The following CA10 variants were observed in gnomAD, a reference collection of about 807,000 sequenced individuals.
CA10 encodes carbonic anhydrase-related protein 10.
Under a neutral mutation model 44.2 loss-of-function variants are expected in CA10, and 14 were observed. The ratio of observed to expected loss-of-function variants is 0.32; its 90% CI spans 0.21 to 0.50. CA10 has a LOEUF of 0.50. Among genes scored for constraint, CA10 ranks in the 20% least tolerant of loss-of-function variants. The pLI is 0.99. For missense variants in CA10, 350 were observed against 409.7 expected, an observed-to-expected ratio of 0.85 and a Z score of 1.26; for synonymous variants, 159 against 141.6, an observed-to-expected ratio of 1.12 and a Z score of -0.87.
intron 2 of CA10, among the ~76,000 whole-genome samples, chr17:51,976,425 A>C (rs1984464252): frequency 6.6e-6 from 1 of 152,180 alleles, no homozygotes; most frequent in Non-Finnish European, 1.5e-5. Flanking sequence ...CCAAACTGTC[A>C]TACATTAAAA....
At chr17:51,846,674 C>A (rs1978508432) in intron 3 of CA10, among the ~76,000 whole-genome samples, 1 of 152,212 alleles carries the variant, frequency 6.6e-6, no homozygotes, top group South Asian at 2.1e-4. Context: ...TTACTCTTTA[C>A]TACATCTGAT....
At chr17:51,661,316 C>T (rs918345163) in intron 4 of CA10, among the ~76,000 whole-genome samples, 7 of 152,142 alleles carry the variant, frequency 4.6e-5, no homozygotes, top group Non-Finnish European at 8.8e-5. Flanking sequence ...GAGAACAAGG[C>T]GCTTGGCTGA....
In CA10 at chr17:52,131,398, T is replaced by C. The variant is rs867067939; in HGVS notation, c.61+26328A>G. On this transcript the variant is annotated intron_variant, in intron 1 of 8. Transcript: ENST00000451037. ...CTATTCTCTAATGAGGGAAAATGAT[T>C]TAAATTTTGGACTAAATGCAACCAG... Among the ~76,000 whole-genome samples the C allele has an allele frequency of 3.3e-5, 5 of 152,352 alleles. No homozygotes were observed. In the South Asian group the frequency reaches 1.0e-3, roughly 32 times the overall value.
intron 4 of CA10, among the ~76,000 whole-genome samples, chr17:51,719,174 A>T (rs772050822): frequency 1.3e-5 from 2 of 152,232 alleles, no homozygotes; most frequent in African/African-American, 2.4e-5. Context: ...TGGGCTTTGA[A>T]TAAAATAAAT....
At chr17:51,825,324 T>A (rs1032029026) in intron 3 of CA10, among the ~76,000 whole-genome samples, 1 of 152,148 alleles carries the variant, frequency 6.6e-6, no homozygotes, top group African/African-American at 2.4e-5. Flanking sequence ...TTAACTCTGC[T>A]GGGACCATCT....
intron 3 of CA10, among the ~76,000 whole-genome samples, chr17:51,760,366 C>T (rs1013921896): frequency 6.6e-6 from 1 of 152,332 alleles, no homozygotes; most frequent in East Asian, 1.9e-4. Flanking sequence ...CTCACTATGA[C>T]TGCTGTGCTC....
chr17:51,870,213 A>T (rs1979739671), intron 3 of CA10, among the ~76,000 whole-genome samples: 1 of 152,254 alleles, frequency 6.6e-6, no homozygotes, highest in Non-Finnish European at 1.5e-5. Flanking sequence ...ATACTTATAC[A>T]GTTAGCAGCC....
Position 51,640,828 on chromosome 17 carries a change from T to C in CA10, c.635-4819A>G, listed in dbSNP as rs182544960. Among the ~76,000 whole-genome samples, 255 of 152,312 alleles carry C rather than the reference T, an allele frequency of 1.7e-3. 2 individuals are homozygous for C. Among genetic ancestry groups the C allele is most frequent in the Non-Finnish European group, 3.2e-4 (22 of 68,032 alleles). The stretch of plus-strand genomic sequence containing the variant: ...GCAGAAAACCATTGTTTGGTTCTTG[T>C]CAGCGTTATCGTCTGGGCATTATAG... On this transcript the variant is annotated intron_variant, in intron 6 of 8. Transcript: ENST00000451037.
rs143873962 is a variant in CA10 at position 52,051,504 on chromosome 17, A to G, written c.136+20815T>C. On this transcript the variant is annotated intron_variant, in intron 2 of 8. Transcript: ENST00000451037. The stretch of plus-strand genomic sequence containing the variant: ...CAAAGGACATGAACATTTTCGACAG[A>G]AGACATATATGCAGCCAACAAGTCT... Among the ~76,000 whole-genome samples the G allele has an allele frequency of 1.2e-3, 189 of 152,212 alleles. 5 individuals carry two copies. The South Asian group carries it at 0.022, about 18-fold the overall frequency.
intron 4 of CA10, among the ~76,000 whole-genome samples, chr17:51,720,115 AT>A (rs1916306564): frequency 6.6e-6 from 1 of 152,162 alleles, no homozygotes; most frequent in South Asian, 2.1e-4. Context: ...TTGCCACAGA[AT>A]TTCTAAAACT....
At chr17:52,120,649 T>C (rs140824453) in intron 1 of CA10, among the ~76,000 whole-genome samples, 3 of 152,292 alleles carry the variant, frequency 2.0e-5, no homozygotes, top group Non-Finnish European at 4.4e-5. Context: ...TGGGGGAACC[T>C]GCACAGGGTC....
chr17:52,025,937 A>C (rs1038983725), intron 2 of CA10, among the ~76,000 whole-genome samples: 1 of 152,078 alleles, frequency 6.6e-6, no homozygotes, highest in Admixed American at 6.6e-5. Flanking sequence ...AGAAATATAC[A>C]AACATAGAAA....
chr17:51,914,146 G>A (rs773913313), intron 3 of CA10, among the ~76,000 whole-genome samples: 13 of 152,070 alleles, frequency 8.5e-5, no homozygotes, highest in Admixed American at 5.2e-4. Context: ...TGCCTATTAC[G>A]GTTTCCAAAG....
chr17:51,753,931 C>A (rs1904983096), intron 3 of CA10, among the ~76,000 whole-genome samples: 1 of 152,172 alleles, frequency 6.6e-6, no homozygotes, highest in African/African-American at 2.4e-5. Context: ...GCAACCTCCA[C>A]CTCCCGGGTT....
chr17:51,742,533 A>G (rs907786004), intron 4 of CA10, among the ~76,000 whole-genome samples: 1 of 152,202 alleles, frequency 6.6e-6, no homozygotes. Flanking sequence ...CCAGCCTCTC[A>G]AGGATGCAAA....
At chr17:51,729,726 G>A (rs1049120200) in intron 4 of CA10, among the ~76,000 whole-genome samples, 4 of 152,220 alleles carry the variant, frequency 2.6e-5, no homozygotes, top group African/African-American at 4.8e-5. Context: ...CAGCTGGCAT[G>A]AGTTATATGA....
intron 6 of CA10, among the ~76,000 whole-genome samples, chr17:51,647,515 C>T (rs928673694): frequency 6.6e-6 from 1 of 151,964 alleles, no homozygotes; most frequent in East Asian, 1.9e-4. Flanking sequence ...CTTGGTGGCA[C>T]AAGCCACATC....
At chr17:52,091,770 A>G (rs1855382624) in intron 1 of CA10, among the ~76,000 whole-genome samples, 1 of 152,180 alleles carries the variant, frequency 6.6e-6, no homozygotes, top group African/African-American at 2.4e-5. Context: ...TCAATTTAGC[A>G]GGAAATGGCA....
intron 3 of CA10, among the ~76,000 whole-genome samples, chr17:51,888,097 T>C (rs1002625215): frequency 2.0e-5 from 3 of 151,946 alleles, no homozygotes; most frequent in African/African-American, 7.2e-5. Context: ...AGTTGAAACT[T>C]GGTAAGTCCC....
Sources: gnomAD v4.1 joint callset for allele counts (sites outside exome capture counted in the v4.1 genomes callset) on GRCh38, gnomAD v4.1.1 for gene constraint, MANE v1.5 for transcripts, NCBI Gene and HGNC (gene_info 2026-07-23, HGNC 2026-07-21) for gene names.